Variants in KYAT3 observed in about 807,000 individuals in gnomAD.
KYAT3 encodes the protein kynurenine aminotransferase 3.
In KYAT3, 50 loss-of-function variants were observed where a neutral mutation model predicts 59.0. The ratio of observed to expected loss-of-function variants is 0.85; its 90% CI spans 0.68 to 1.07. The LOEUF (loss-of-function observed/expected upper bound fraction) is 1.07. Ranked by LOEUF, KYAT3 falls within the 50% of genes least tolerant of loss-of-function variation. KYAT3 has a pLI of 0.00. For synonymous variants in KYAT3, 148 were observed against 177.0 expected (o/e 0.84, Z 1.30); for missense variants, 497 against 533.3 (o/e 0.93, Z 0.67).
the KYAT3 span, among the ~76,000 whole-genome samples, chr1:88,928,959 A>C: frequency 6.6e-6 from 1 of 152,110 alleles, no homozygotes; most frequent in Non-Finnish European, 1.5e-5. Flanking sequence ...TTCTAGCAAA[A>C]GCAGGGGCCA....
intron 2 of KYAT3, among the ~76,000 whole-genome samples, chr1:88,972,814 G>A (rs2101061162): frequency 6.6e-6 from 1 of 152,320 alleles, no homozygotes; most frequent in South Asian, 2.1e-4. Flanking sequence ...GTGGGGCAAG[G>A]AAATGTAACT....
chr1:88,936,345 T>A, intron 13 of KYAT3, 100 bp from the exon 14 acceptor site: 6 of 930,492 alleles, frequency 6.4e-6, no homozygotes, highest in Non-Finnish European at 9.7e-6. Context: ...TAAGTGAATA[T>A]CTGATCTCAA....
the KYAT3 span, among the ~76,000 whole-genome samples, chr1:88,925,228 G>A: frequency 2.0e-5 from 3 of 152,176 alleles, no homozygotes; most frequent in Non-Finnish European, 2.9e-5. Context: ...CTGTCATCCC[G>A]AACTCCTGAC....
At chr1:88,957,192 T>C (rs566480174) in intron 8 of KYAT3, among the ~76,000 whole-genome samples, 1 of 152,350 alleles carries the variant, frequency 6.6e-6, no homozygotes, top group Admixed American at 6.5e-5. Flanking sequence ...TTTTATTCTC[T>C]GTGGAATATG....
At chr1:88,992,655 A>G (rs1677886801), upstream of KYAT3, 1 of 152,748 alleles carries the variant, frequency 6.5e-6, no homozygotes, top group Non-Finnish European at 1.5e-5. Context: ...GCTGGGCGGG[A>G]TTCGGACGCG....
intron 10 of KYAT3, among the ~76,000 whole-genome samples, chr1:88,951,686 TTA>T (rs1191346159): frequency 6.6e-6 from 1 of 151,876 alleles, no homozygotes; most frequent in Admixed American, 6.5e-5. Context: ...CTTTTTTACT[TTA>T]TGATGTATTC....
Position 88,941,343 on chromosome 1 carries a change from G to A in KYAT3, c.1302+1662C>T, listed in dbSNP as rs540277612. Among the ~76,000 whole-genome samples the A allele has an allele frequency of 5.9e-5, 9 of 152,260 alleles. No homozygotes were observed. The South Asian group carries it at 6.2e-4, about 11-fold the overall frequency. ...GTTTAAAGATGAGTGAGTTGATAGAGTGTCTTGATCTCAGTAAGACTATTT... is the reference window on the plus strand; with the variant it reads ...GTTTAAAGATGAGTGAGTTGATAGAATGTCTTGATCTCAGTAAGACTATTT... On this transcript the variant is annotated intron_variant, in intron 13 of 13. Transcript: ENST00000260508.
At chr1:88,965,783 T>C (rs987898669) in intron 4 of KYAT3, among the ~76,000 whole-genome samples, 2 of 152,206 alleles carry the variant, frequency 1.3e-5, no homozygotes, top group Non-Finnish European at 2.9e-5. Flanking sequence ...ATCCTGATTT[T>C]CTATCCCTTG....
chr1:88,937,064 G>A (rs1012670389), intron 13 of KYAT3, among the ~76,000 whole-genome samples: 1 of 152,174 alleles, frequency 6.6e-6, no homozygotes, highest in Admixed American at 6.5e-5. Context: ...GGTAAGTGAG[G>A]CACCTGTATG....
chr1:88,973,835 C>A (rs1211350219), intron 2 of KYAT3, among the ~76,000 whole-genome samples: 2 of 152,122 alleles, frequency 1.3e-5, no homozygotes, highest in African/African-American at 4.8e-5. Flanking sequence ...GACCCTAGTC[C>A]ATCAAAGTTT....
chr1:88,956,801 A>G (rs1675935917), intron 8 of KYAT3, among the ~76,000 whole-genome samples: 1 of 152,222 alleles, frequency 6.6e-6, no homozygotes, highest in South Asian at 2.1e-4. Flanking sequence ...GACATTGGTA[A>G]TAACTGGTAA....
intron 11 of KYAT3, among the ~76,000 whole-genome samples, chr1:88,944,860 T>A (rs1675375747): frequency 6.6e-6 from 1 of 152,320 alleles, no homozygotes; most frequent in South Asian, 2.1e-4. Context: ...ATTTATTTTT[T>A]GAGATGGAGT....
intron 10 of KYAT3, among the ~76,000 whole-genome samples, chr1:88,952,607 C>T (rs191610088): frequency 1.3e-5 from 2 of 152,274 alleles, no homozygotes; most frequent in East Asian, 3.9e-4. Context: ...AAGGCCTCTC[C>T]AGAAGCAGAA....
rs12084448 is a variant in KYAT3 at position 88,942,002 on chromosome 1, A to G, written c.1302+1003T>C. 3.4e-3 allele frequency among the ~76,000 whole-genome samples: 520 copies of G among 152,314 alleles called. 3 individuals carry two copies. The highest frequency in any genetic ancestry group is 0.012 in the African/African-American group (505 of 41,570). On this transcript the variant is annotated intron_variant, in intron 13 of 13. Coordinates refer to ENST00000260508, the MANE Select transcript of KYAT3 (RefSeq NM_001008661.3). ...GGGAACATTTTGACTATTATTCCTT[A>G]AAATATTTTTTCTGTCATATTCTCT...
rs1303646398 is a variant in KYAT3, at chr1:88,936,238, C to T, written c.1310G>A (p.Ser437Asn). Residue 437 changes from serine to asparagine, a missense_variant, in exon 14 of 14, where the codon AGC becomes AAC. Ser to Asn is a conservative substitution (Grantham distance 46, BLOSUM62 1). Transcript: ENST00000260508. ...FVRFCFIKKD[S>N]TLDAAEEIIK... ...GATTTCTTCAGCAGCATCCAGTGTG[C>T]TGTCTTTCTGTAAATTAATGAAATA... 1 of 1,604,600 alleles carries T rather than the reference C, an allele frequency of 6.2e-7. No homozygotes were observed. The highest frequency in any genetic ancestry group is 1.1e-5 in the South Asian group (1 of 90,670).
At chr1:88,931,911 C>G (rs1400255314), downstream of KYAT3, among the ~76,000 whole-genome samples, 2 of 46,766 alleles carry the variant, frequency 4.3e-5, no homozygotes, top group African/African-American at 1.2e-4. Context: ...AAAAAAAAAG[C>G]CATTTCCTCC....
At chr1:88,924,522 A>G in the KYAT3 span, among the ~76,000 whole-genome samples, 1 of 152,034 alleles carries the variant, frequency 6.6e-6, no homozygotes, top group Non-Finnish European at 1.5e-5. Flanking sequence ...TTTAAAATCC[A>G]TTTCCAGGCA....
At chr1:88,972,415 C>T (rs1038172892) in intron 2 of KYAT3, among the ~76,000 whole-genome samples, 2 of 152,184 alleles carry the variant, frequency 1.3e-5, no homozygotes, top group Admixed American at 6.5e-5. Context: ...ATAGTTATGC[C>T]TAGCACATAG....
intron 1 of KYAT3, among the ~76,000 whole-genome samples, chr1:88,991,981 T>C (rs36005939): frequency 6.1e-5 from 3 of 48,896 alleles, no homozygotes; most frequent in African/African-American, 1.0e-4. Flanking sequence ...GGTATTCTTT[T>C]GGTTTTTTTT....
Sources: gnomAD v4.1 joint callset for allele counts (sites outside exome capture counted in the v4.1 genomes callset) on GRCh38, gnomAD v4.1.1 for gene constraint, MANE v1.5 for transcripts, NCBI Gene and HGNC (gene_info 2026-07-23, HGNC 2026-07-21) for gene names.